CCDC93: variants seen among roughly 807,000 people sequenced by gnomAD.
CCDC93 encodes the protein coiled-coil domain-containing protein 93.
In CCDC93, 61 loss-of-function variants were observed where a neutral mutation model predicts 108.2. The ratio of observed to expected loss-of-function variants is 0.56; its 90% CI spans 0.46 to 0.70. CCDC93 has a LOEUF of 0.70. CCDC93 is among the 30% of genes least tolerant of loss of function. CCDC93 has a pLI of 0.00. For synonymous variants in CCDC93, 276 were observed against 260.4 expected (o/e 1.06, Z -0.58); for missense variants, 685 against 764.2 (o/e 0.90, Z 1.22).
chr2:117,943,932 G>A (rs186112894), intron 18 of CCDC93, 92 bp downstream of exon 18: 39 of 798,954 alleles, frequency 4.9e-5, no homozygotes, highest in Non-Finnish European at 7.5e-5. Context: ...ATTTTCTCTA[G>A]TTCTTAGATA....
In CCDC93 at chr2:117,919,810, C is replaced by A. The variant is rs1305230905; in HGVS notation, c.*533G>T. 1 of 152,320 alleles carries A rather than the reference C, an allele frequency of 6.6e-6. No homozygotes were observed. The highest frequency in any genetic ancestry group is 1.9e-4 in the East Asian group (1 of 5,190). The allele number at this position is 152,320 out of a possible 1,614,324, so 9.4% of individuals were successfully genotyped here. A position where few individuals can be genotyped will look rare whatever the true frequency, so the allele number is the denominator to read the frequency against. On this transcript the variant is annotated 3_prime_UTR_variant, in exon 24 of 24. Transcript: ENST00000376300. ...GCCCAAGTGACCAACACTACATGGG[C>A]TGATCATTTCAGCTAAATGCCTTCT...
chr2:117,946,883 C>T lies in CCDC93; in HGVS notation c.1225-1G>A. The stretch of plus-strand genomic sequence containing the variant: ...CTTGCTGTAGTCGTGTCATCTCCTC[C>T]TTTAAAAGTGACATGAACTTTTACA... On this transcript the variant is annotated splice_acceptor_variant, in intron 15 of 23. Coordinates refer to ENST00000376300, the MANE Select transcript of CCDC93 (RefSeq NM_019044.5). LOFTEE classifies it high-confidence loss of function. The T allele has an allele frequency of 1.9e-6, 3 of 1,609,592 alleles. No individual in the cohort carries two copies. The highest frequency in any genetic ancestry group is 2.6e-6 in the Non-Finnish European group (3 of 1,175,864).
At position 117,970,910 on chromosome 2, in the gene CCDC93, C is replaced by T. The variant is rs201636889; in HGVS notation, c.888+2998G>A. On this transcript the variant is annotated intron_variant, in intron 11 of 23. Coordinates refer to ENST00000376300, the MANE Select transcript of CCDC93 (RefSeq NM_019044.5). ...TGTAACACACAGAGGGAGTGATAAC[C>T]AATCATCCAACACCTAGAAAACCTC... Among the ~76,000 whole-genome samples, 9 of 152,214 alleles carry T rather than the reference C, an allele frequency of 5.9e-5. No homozygotes were observed. In the East Asian group the frequency reaches 1.5e-3, roughly 26 times the overall value.
At chr2:117,949,913 G>T in intron 13 of CCDC93, 2 of 985,404 alleles carry the variant, frequency 2.0e-6, no homozygotes, top group Non-Finnish European at 2.4e-6. Flanking sequence ...AGCAGACGTA[G>T]GAAGGACTGG....
In CCDC93 at chr2:117,968,798, G is replaced by GA. The variant is rs201655621; in HGVS notation, c.888+5109dup. Among the ~76,000 whole-genome samples, 150 of 149,446 alleles carry GA rather than the reference G, an allele frequency of 1.0e-3. 2 individuals carry two copies. The East Asian group carries it at 0.021, about 21-fold the overall frequency. On this transcript the variant is annotated intron_variant, in intron 11 of 23. Transcript: ENST00000376300. The stretch of plus-strand genomic sequence containing the variant: ...TTATCCTTTTCCCTCTCTTCATAAA[G>GA]AAAAAAAAAATCCTGATCTCAGCCT...
At chr2:117,945,673 G>A (rs770490090) in intron 16 of CCDC93, 91 bp from the exon 17 acceptor site, 19 of 1,034,556 alleles carry the variant, frequency 1.8e-5, no homozygotes, top group Non-Finnish European at 2.9e-5. Flanking sequence ...GGGCCAGGCA[G>A]GGGCATAAGG....
At chr2:117,941,365 A>G in intron 18 of CCDC93, 68 bp from the exon 19 acceptor site, 1 of 1,272,228 alleles carries the variant, frequency 7.9e-7, no homozygotes, top group Non-Finnish European at 1.1e-6. Flanking sequence ...CTAGGGAGCC[A>G]AAATATTGCC....
chr2:117,928,631 G>A (rs1262169394), intron 23 of CCDC93, among the ~76,000 whole-genome samples: 2 of 152,202 alleles, frequency 1.3e-5, no homozygotes, highest in African/African-American at 4.8e-5. Flanking sequence ...AGAGTATGTG[G>A]AGAAATAGGA....
At chr2:117,971,101 A>G (rs1679745526) in intron 11 of CCDC93, among the ~76,000 whole-genome samples, 1 of 152,226 alleles carries the variant, frequency 6.6e-6, no homozygotes. Flanking sequence ...AGTGGCTGAG[A>G]CCTGCAATCC....
chr2:117,944,691 C>T (rs1678813059), intron 17 of CCDC93: 1 of 470,146 alleles, frequency 2.1e-6, no homozygotes, highest in Non-Finnish European at 4.4e-6. Context: ...TGCCTCCTTC[C>T]TCAGCATAGG....
chr2:117,981,877 G>A (rs2104793640), intron 7 of CCDC93, among the ~76,000 whole-genome samples: 1 of 152,112 alleles, frequency 6.6e-6, no homozygotes, highest in Middle Eastern at 3.4e-3. Context: ...TAACTTTCAA[G>A]AACAATTACC....
chr2:118,007,241 C>T (rs1676898367), intron 2 of CCDC93, among the ~76,000 whole-genome samples: 1 of 152,252 alleles, frequency 6.6e-6, no homozygotes, highest in Admixed American at 6.5e-5. Context: ...TGTTTCCATA[C>T]ATCTTATTTT....
chr2:118,003,579 C>A (rs1676775929), intron 3 of CCDC93, among the ~76,000 whole-genome samples: 1 of 152,130 alleles, frequency 6.6e-6, no homozygotes, highest in South Asian at 2.1e-4. Flanking sequence ...TAGAACCATA[C>A]ATAATAGCTT....
At chr2:117,975,381 AC>A in intron 8 of CCDC93, 101 bp from the exon 9 acceptor site, 2 of 838,556 alleles carry the variant, frequency 2.4e-6, no homozygotes, top group Admixed American at 3.9e-5. Context: ...AAAAACACAG[AC>A]CTGCAGAGCA....
At chr2:118,010,361 T>C (rs1676992075) in intron 1 of CCDC93, among the ~76,000 whole-genome samples, 1 of 152,148 alleles carries the variant, frequency 6.6e-6, no homozygotes, top group Admixed American at 6.5e-5. Flanking sequence ...TTTCATCTAT[T>C]TACTATCATG....
intron 6 of CCDC93, among the ~76,000 whole-genome samples, chr2:117,986,500 T>G (rs1680324035): frequency 6.6e-6 from 1 of 152,136 alleles, no homozygotes; most frequent in South Asian, 2.1e-4. Context: ...GTATTCGGGC[T>G]GCTTGTCCCC....
At chr2:117,946,176 T>C (rs894903646) in intron 16 of CCDC93, among the ~76,000 whole-genome samples, 2 of 152,046 alleles carry the variant, frequency 1.3e-5, no homozygotes, top group African/African-American at 4.8e-5. Flanking sequence ...TGCAGAGTTC[T>C]GGGCCAGGCA....
intron 13 of CCDC93, chr2:117,951,586 C>T: frequency 2.0e-6 from 2 of 1,000,136 alleles, no homozygotes; most frequent in Non-Finnish European, 2.4e-6. Flanking sequence ...GCTTCCAAAT[C>T]GTCCAGGAAG....
chr2:117,934,439 CT>C (rs539302412), intron 22 of CCDC93: 239 of 152,330 alleles, frequency 1.6e-3, no homozygotes, highest in African/African-American at 5.6e-3. Flanking sequence ...CAAACACTGA[CT>C]TATGTCGTTC....
Sources: gnomAD v4.1 joint callset for allele counts (sites outside exome capture counted in the v4.1 genomes callset) on GRCh38, gnomAD v4.1.1 for gene constraint, MANE v1.5 for transcripts, NCBI Gene and HGNC (gene_info 2026-07-23, HGNC 2026-07-21) for gene names.